Variants in SLC10A2 observed in about 807,000 individuals in gnomAD.
SLC10A2 encodes the protein ileal sodium/bile acid cotransporter.
In SLC10A2, 34 loss-of-function variants were observed where a neutral mutation model predicts 27.1. The observed-to-expected ratio is 1.26, with a 90% confidence interval of 0.96 to 1.67. SLC10A2 has a LOEUF of 1.67. Ranked by LOEUF, SLC10A2 falls within the 40% of genes most tolerant of loss-of-function variation. The pLI is 0.00. For missense variants in SLC10A2, 530 were observed against 444.4 expected (o/e 1.19, Z -1.73); for synonymous variants, 205 against 174.0 (o/e 1.18, Z -1.40).
chr13:103,063,371 G>C (rs999364758), intron 1 of SLC10A2, among the ~76,000 whole-genome samples: 1 of 152,162 alleles, frequency 6.6e-6, no homozygotes, highest in African/African-American at 2.4e-5. Context: ...GCATTGTGTG[G>C]CATTAGCTCA....
intron 1 of SLC10A2, among the ~76,000 whole-genome samples, chr13:103,059,969 T>C (rs1876057745): frequency 6.6e-6 from 1 of 152,192 alleles, no homozygotes; most frequent in Admixed American, 6.5e-5. Flanking sequence ...TTGGCAAATG[T>C]GTGTTCAGAA....
chr13:103,051,684 A>C (rs1331848754), intron 3 of SLC10A2, among the ~76,000 whole-genome samples: 1 of 152,240 alleles, frequency 6.6e-6, no homozygotes, highest in African/African-American at 2.4e-5. Flanking sequence ...AGATTTTCTG[A>C]CTTGAAAATT....
rs767598006 is a variant in SLC10A2, at chr13:103,066,139, C to T, written c.111G>A (p.Val37=). The part of the protein sequence containing the change: ...NNILSVVLST[V]LTILLALVMF... ...TCACCAAGGCCAACAGGATGGTCAG[C>T]ACCGTACTTAGGACCACACTTAGGA... The change falls in exon 1 of 6, where the codon GTG becomes GTA. Residue 37 remains valine (V), a synonymous_variant. Transcript: ENST00000245312. 1 of 1,614,064 alleles carries T rather than the reference C, an allele frequency of 6.2e-7. No individual in the cohort carries two copies. The highest frequency in any genetic ancestry group is 1.1e-5 in the South Asian group (1 of 91,084).
chr13:103,049,322 A>G lies in SLC10A2; in HGVS notation c.886T>C (p.Phe296Leu), dbSNP rs71640248. Residue 296 changes from phenylalanine to leucine, a missense_variant, in exon 5 of 6, where the codon TTC becomes CTC. Physicochemically the swap from Phe to Leu is conservative, Grantham distance 22. Coordinates refer to ENST00000245312, the MANE Select transcript of SLC10A2 (RefSeq NM_000452.3). ...VFTFPLIYSI[F>L]QLAFAAIFLG... ...AATATTGCGGCAAAGGCGAGCTGGA[A>G]AATGCTGTAGATGAGCGGGAAGGTG... The G allele has an allele frequency of 5.2e-3, 8,316 of 1,613,940 alleles. 35 individuals are homozygous for G. Among genetic ancestry groups the G allele is most frequent in the Non-Finnish European group, 5.8e-3 (6,838 of 1,179,858 alleles).
rs1875583988 is a variant in SLC10A2 at position 103,045,572 on chromosome 13, C to T, written c.*561G>A. On this transcript the variant is annotated 3_prime_UTR_variant, in exon 6 of 6. Coordinates refer to ENST00000245312, the MANE Select transcript of SLC10A2 (RefSeq NM_000452.3). ...TGGAGAAGGCAACTTTTTAAAAATACAGAAGTCAGATATTTGCCCATGTTA... is the reference window on the plus strand; with the variant it reads ...TGGAGAAGGCAACTTTTTAAAAATATAGAAGTCAGATATTTGCCCATGTTA... 6.6e-6 allele frequency: 1 copy of T among 152,282 alleles called. No homozygotes were observed. The highest frequency in any genetic ancestry group is 1.5e-5 in the Non-Finnish European group (1 of 68,164). 9.4% of individuals were successfully genotyped at this position (152,282 alleles called of 1,614,324 possible). A position where few individuals can be genotyped will look rare whatever the true frequency, so the allele number is the denominator to read the frequency against.
At chr13:103,059,939 CTGAG>C (rs1876056017) in intron 1 of SLC10A2, among the ~76,000 whole-genome samples, 1 of 152,174 alleles carries the variant, frequency 6.6e-6, no homozygotes, top group African/African-American at 2.4e-5. Flanking sequence ...ATTCTTAGCA[CTGAG>C]TAAGTTATTG....
chr13:103,054,873 C>T (rs963262183), intron 2 of SLC10A2, among the ~76,000 whole-genome samples: 9 of 152,082 alleles, frequency 5.9e-5, no homozygotes, highest in Non-Finnish European at 1.3e-4. Context: ...GTTTGTTTTA[C>T]GTATGCCTCA....
chr13:103,063,410 A>G (rs1053181226), intron 1 of SLC10A2, among the ~76,000 whole-genome samples: 1 of 152,214 alleles, frequency 6.6e-6, no homozygotes, highest in African/African-American at 2.4e-5. Flanking sequence ...TAACATAAAC[A>G]GTCATGTCTT....
intron 4 of SLC10A2, among the ~76,000 whole-genome samples, chr13:103,050,385 C>T (rs373182511): frequency 9.2e-5 from 14 of 152,294 alleles, no homozygotes; most frequent in African/African-American, 2.9e-4. Context: ...ATGCATCTGT[C>T]CCTACACCTG....
At chr13:103,053,084 GTGT>G (rs1875835746) in intron 2 of SLC10A2, among the ~76,000 whole-genome samples, 2 of 3,030 alleles carry the variant, frequency 6.6e-4, no homozygotes, top group African/African-American at 5.5e-3. Context: ...TCACCAAGGT[GTGT>G]GTGTGTGTGT....
chr13:103,047,055 G>A (rs1379430206), intron 5 of SLC10A2, among the ~76,000 whole-genome samples: 2 of 152,134 alleles, frequency 1.3e-5, no homozygotes, highest in African/African-American at 4.8e-5. Context: ...AAGGCAAGAG[G>A]AGGACAGAAA....
chr13:103,056,668 G>T (rs147347755), intron 2 of SLC10A2, among the ~76,000 whole-genome samples: 2 of 152,002 alleles, frequency 1.3e-5, no homozygotes, highest in Admixed American at 6.6e-5. Flanking sequence ...GAAGGCGTCC[G>T]CTGACAGAGC....
At chr13:103,061,420 A>C (rs907571037) in intron 1 of SLC10A2, among the ~76,000 whole-genome samples, 28 of 151,500 alleles carry the variant, frequency 1.8e-4, no homozygotes, top group African/African-American at 6.8e-4. Flanking sequence ...CTGTGCATCC[A>C]ATATTTTTTT....
chr13:103,053,946 C>T (rs574301681), intron 2 of SLC10A2, among the ~76,000 whole-genome samples: 7 of 152,086 alleles, frequency 4.6e-5, no homozygotes, highest in East Asian at 1.9e-4. Context: ...TGCTGAGATG[C>T]CCCAGAAAAA....
chr13:103,051,496 T>A (rs1170755555), intron 3 of SLC10A2, 64 bp from the exon 4 acceptor site: 122 of 1,566,114 alleles, frequency 7.8e-5, no homozygotes, highest in Non-Finnish European at 1.0e-4. Context: ...AGTATGTTTG[T>A]CAGAGACAAA....
intron 4 of SLC10A2, among the ~76,000 whole-genome samples, chr13:103,050,383 G>A (rs17273914): frequency 0.11 from 17,177 of 152,088 alleles, 1,235 homozygotes; most frequent in Non-Finnish European, 0.17. Context: ...ACATGCATCT[G>A]TCCCTACACC....
At chr13:103,049,496 A>C (rs1350500959) in intron 4 of SLC10A2, 50 bp from the exon 5 acceptor site, 1 of 1,589,644 alleles carries the variant, frequency 6.3e-7, no homozygotes, top group South Asian at 1.1e-5. Flanking sequence ...TGTTATTGTG[A>C]AACATGAAAA....
At chr13:103,052,592 A>T (rs762774616) in intron 3 of SLC10A2, 28 bp downstream of exon 3, 2 of 1,420,818 alleles carry the variant, frequency 1.4e-6, no homozygotes, top group Non-Finnish European at 2.0e-6. Flanking sequence ...ACAGTGGAAT[A>T]TTTAATGGTG....
At chr13:103,048,010 G>C (rs1050979058) in intron 5 of SLC10A2, among the ~76,000 whole-genome samples, 1 of 152,150 alleles carries the variant, frequency 6.6e-6, no homozygotes, top group African/African-American at 2.4e-5. Context: ...AGAGTATTCT[G>C]TTCTGGAAAG....
Sources: gnomAD v4.1 joint callset for allele counts (sites outside exome capture counted in the v4.1 genomes callset) on GRCh38, gnomAD v4.1.1 for gene constraint, MANE v1.5 for transcripts, NCBI Gene and HGNC (gene_info 2026-07-23, HGNC 2026-07-21) for gene names.